Variants in KCNK2 observed in about 807,000 individuals in gnomAD.
KCNK2 encodes the protein potassium channel subfamily K member 2.
KCNK2 carries 21 observed loss-of-function variants against 40.5 expected under a neutral mutation model. That is an observed-to-expected ratio of 0.52 (90% CI 0.37 to 0.75). The LOEUF (loss-of-function observed/expected upper bound fraction) is 0.75, where lower values mean the gene tolerates loss of function less well. Ranked by LOEUF, KCNK2 falls within the 30% of genes least tolerant of loss-of-function variation. The probability of loss-of-function intolerance (pLI) is 0.00; values close to 1 mark genes in which losing one functional copy is unlikely to be tolerated. For synonymous variants in KCNK2, 191 were observed against 202.2 expected (o/e 0.94, Z 0.47); for missense variants, 399 against 531.6 (o/e 0.75, Z 2.45).
chr1:215,235,880 C>T lies in KCNK2; in HGVS notation c.*735C>T, dbSNP rs1462405636. 2 of 152,586 alleles carry T rather than the reference C, an allele frequency of 1.3e-5. No individual in the cohort carries two copies. Among genetic ancestry groups the T allele is most frequent in the East Asian group, 3.9e-4 (2 of 5,176 alleles). 9.5% of individuals were successfully genotyped at this position (152,586 alleles called of 1,614,324 possible). A position where few individuals can be genotyped will look rare whatever the true frequency, so the allele number is the denominator to read the frequency against. On this transcript the variant is annotated 3_prime_UTR_variant, in exon 7 of 7. Coordinates refer to ENST00000444842, the MANE Select transcript of KCNK2 (RefSeq NM_001017425.3). ...CAGAGAAATGAGGTGCAGAGGTGGC[C>T]CCTCTGAGTATTTATTTGACTCAGG... is the stretch of plus-strand genomic sequence containing the variant.
At chr1:215,126,496 A>G (rs1439937888) in intron 3 of KCNK2, among the ~76,000 whole-genome samples, 2 of 152,162 alleles carry the variant, frequency 1.3e-5, no homozygotes, top group African/African-American at 4.8e-5. Context: ...GAAGAAAAAA[A>G]GCTTACAGAC....
chr1:215,131,075 TG>T (rs1661653741), intron 3 of KCNK2, among the ~76,000 whole-genome samples: 1 of 150,880 alleles, frequency 6.6e-6, no homozygotes, highest in South Asian at 2.1e-4. Flanking sequence ...TTAGCCAAGA[TG>T]GTCTCGATCT....
At chr1:215,026,643 G>A (rs1333449837) in intron 1 of KCNK2, among the ~76,000 whole-genome samples, 1 of 151,680 alleles carries the variant, frequency 6.6e-6, no homozygotes, top group Non-Finnish European at 1.5e-5. Context: ...ATATTGTTTT[G>A]ATTTCAGTAT....
At chr1:215,014,362 C>T (rs1305488198) in intron 1 of KCNK2, among the ~76,000 whole-genome samples, 3 of 151,568 alleles carry the variant, frequency 2.0e-5, no homozygotes, top group African/African-American at 4.8e-5. Flanking sequence ...GGCATTCATC[C>T]ATAGTTTTCT....
chr1:215,172,939 C>A (rs145113638), intron 5 of KCNK2, among the ~76,000 whole-genome samples: 1 of 152,068 alleles, frequency 6.6e-6, no homozygotes, highest in African/African-American at 2.4e-5. Flanking sequence ...CAAGCCACTA[C>A]GCCCGGCCTA....
chr1:215,134,630 G>A (rs1661820523), intron 3 of KCNK2, among the ~76,000 whole-genome samples: 1 of 152,134 alleles, frequency 6.6e-6, no homozygotes, highest in South Asian at 2.1e-4. Flanking sequence ...CGATGGGGCT[G>A]AAAGTTCCAA....
At chr1:215,096,249 C>T (rs1035540640) in intron 2 of KCNK2, among the ~76,000 whole-genome samples, 8 of 151,464 alleles carry the variant, frequency 5.3e-5, no homozygotes, top group Admixed American at 1.3e-4. Flanking sequence ...TGATTTTACA[C>T]GTATAGGATC....
Position 215,026,816 on chromosome 1 carries a change from GTA to G in KCNK2, c.34+20863_34+20864del, listed in dbSNP as rs372347066. Among the ~76,000 whole-genome samples, 81 of 148,206 alleles carry G rather than the reference GTA, an allele frequency of 5.5e-4. 1 individual carries two copies. Among genetic ancestry groups the G allele is most frequent in the African/African-American group, 1.9e-3 (76 of 39,788 alleles). On this transcript the variant is annotated intron_variant, in intron 1 of 6. Coordinates refer to the KCNK2 transcript ENST00000391895. ...AATTCTATTGAGAATGACATCATGT[GTA>G]TGTGTGTGTGTATGTGTAAACAAAC...
chr1:215,043,488 C>T (rs988068330), intron 1 of KCNK2, among the ~76,000 whole-genome samples: 2 of 152,200 alleles, frequency 1.3e-5, no homozygotes, highest in African/African-American at 2.4e-5. Flanking sequence ...AATTCTGACA[C>T]ATACTATGAC....
At chr1:215,116,690 G>A (rs185249085) in intron 2 of KCNK2, among the ~76,000 whole-genome samples, 1 of 152,204 alleles carries the variant, frequency 6.6e-6, no homozygotes, top group East Asian at 1.9e-4. Flanking sequence ...CTTCCTTAAA[G>A]TCTGGTGTGC....
Position 215,235,411 on chromosome 1 carries a change from C to G in KCNK2, c.*266C>G, listed in dbSNP as rs1343801556. On this transcript the variant is annotated 3_prime_UTR_variant, in exon 7 of 7. Coordinates refer to ENST00000444842, the MANE Select transcript of KCNK2 (RefSeq NM_001017425.3). ...TGCCTTTTTGTGCCCAGACTGTTTT[C>G]CTCTCTCTTTCCCTAATGTGCCATA... The G allele has an allele frequency of 2.5e-6, 1 of 392,392 alleles. No homozygotes were observed. Among genetic ancestry groups the G allele is most frequent in the Admixed American group, 4.0e-5 (1 of 24,830 alleles). The allele number at this position is 392,392 out of a possible 1,614,324, so 24.3% of individuals were successfully genotyped here.
intron 5 of KCNK2, among the ~76,000 whole-genome samples, chr1:215,186,737 C>A (rs1394571739): frequency 6.6e-6 from 1 of 152,120 alleles, no homozygotes; most frequent in Admixed American, 6.5e-5. Context: ...TGACTGGTTA[C>A]CTTAGTGATT....
chr1:215,020,679 G>T (rs945496375), intron 1 of KCNK2, among the ~76,000 whole-genome samples: 3 of 151,900 alleles, frequency 2.0e-5, no homozygotes, highest in Non-Finnish European at 4.4e-5. Context: ...ACCCACCACA[G>T]CCTCTCAGTG....
chr1:215,101,070 G>A (rs890086929), intron 2 of KCNK2, among the ~76,000 whole-genome samples: 4 of 152,158 alleles, frequency 2.6e-5, no homozygotes, highest in South Asian at 2.1e-4. Flanking sequence ...TCTAAAGCAA[G>A]AAATAGTTAA....
chr1:215,054,975 A>T lies in KCNK2; in HGVS notation c.35-31393A>T, dbSNP rs1426083071. ...ACACAACTCAAGTGTTAAATCACTA[A>T]TTTGAATAATGAACATAGAATTAAA... On this transcript the variant is annotated intron_variant, in intron 1 of 6. Coordinates refer to the KCNK2 transcript ENST00000391895. 2.0e-5 allele frequency among the ~76,000 whole-genome samples: 3 copies of T among 152,362 alleles called. No individual in the cohort carries two copies. In the East Asian group the frequency reaches 5.8e-4, roughly 29 times the overall value.
intron 3 of KCNK2, among the ~76,000 whole-genome samples, chr1:215,146,703 C>T (rs1662432161): frequency 6.6e-6 from 1 of 152,144 alleles, no homozygotes; most frequent in Admixed American, 6.5e-5. Flanking sequence ...TTTGAGGACC[C>T]ATATCTCTCG....
chr1:215,081,483 T>G (rs999978026), upstream of KCNK2, among the ~76,000 whole-genome samples: 1 of 151,338 alleles, frequency 6.6e-6, no homozygotes, highest in African/African-American at 2.4e-5. Context: ...TTAGGAAGAT[T>G]TTTTTTTAAT....
chr1:215,007,236 T>C, intron 1 of KCNK2, among the ~76,000 whole-genome samples: 1 of 127,938 alleles, frequency 7.8e-6, no homozygotes, highest in South Asian at 2.4e-4. Context: ...TAGGCTCATT[T>C]CCAATTAGTA....
chr1:215,143,227 G>C (rs1295629367), intron 3 of KCNK2, among the ~76,000 whole-genome samples: 1 of 152,092 alleles, frequency 6.6e-6, no homozygotes, highest in Non-Finnish European at 1.5e-5. Flanking sequence ...GTCTGTGTAA[G>C]TGTATCTGTG....
Sources: gnomAD v4.1 joint callset for allele counts (sites outside exome capture counted in the v4.1 genomes callset) on GRCh38, gnomAD v4.1.1 for gene constraint, MANE v1.5 for transcripts, NCBI Gene and HGNC (gene_info 2026-07-23, HGNC 2026-07-21) for gene names.